The following FRMPD1 variants were observed in gnomAD, a reference collection of about 807,000 sequenced individuals.
FRMPD1 encodes FERM and PDZ domain-containing protein 1.
A neutral mutation model predicts 117.8 loss-of-function variants in FRMPD1; 76 were observed. The observed-to-expected ratio is 0.65, with a 90% CI of 0.54 to 0.78. The LOEUF (loss-of-function observed/expected upper bound fraction) is 0.78, where lower values mean the gene tolerates loss of function less well. FRMPD1 is among the 30% of genes least tolerant of loss of function. The probability of loss-of-function intolerance (pLI) is 0.00; values close to 1 mark genes in which losing one functional copy is unlikely to be tolerated. For synonymous variants in FRMPD1, 783 were observed against 770.4 expected, an observed-to-expected ratio of 1.02 and a Z score of -0.27; for missense variants, 1,786 against 1,964.5, an observed-to-expected ratio of 0.91 and a Z score of 1.72.
the FRMPD1 span, among the ~76,000 whole-genome samples, chr9:37,642,672 C>T: frequency 6.6e-6 from 1 of 152,140 alleles, no homozygotes; most frequent in Non-Finnish European, 1.5e-5. Context: ...ATTCACATTG[C>T]CTGGAAGCTC....
At chr9:37,605,564 T>C in the FRMPD1 span, among the ~76,000 whole-genome samples, 1 of 152,170 alleles carries the variant, frequency 6.6e-6, no homozygotes, top group Non-Finnish European at 1.5e-5. Context: ...AGGAGCCCCC[T>C]GCTAATGGTG....
rs1824611035 is a variant in FRMPD1 at position 37,744,844 on chromosome 9, G to T, written c.2812G>T (p.Val938Leu). 1 of 1,613,992 alleles carries T rather than the reference G, an allele frequency of 6.2e-7. No individual in the cohort carries two copies. The highest frequency in any genetic ancestry group is 1.3e-5 in the African/African-American group (1 of 74,928). The change falls in exon 16 of 16, where the codon GTG becomes TTG. Residue 938 changes from valine to leucine, a missense_variant. Coordinates refer to ENST00000377765, the MANE Select transcript of FRMPD1 (RefSeq NM_014907.3). ...AACCAAATCAGTCATCGACTCTCGA[G>T]TGTCTTCTATTTCTGCCATTCGCTT... ...METKSVIDSRVSSISAIRFRI... is the reference protein window; with the variant it reads ...METKSVIDSRLSSISAIRFRI...
chr9:37,710,912 TG>T (rs1822882219), intron 4 of FRMPD1, among the ~76,000 whole-genome samples: 1 of 147,694 alleles, frequency 6.8e-6, no homozygotes, highest in South Asian at 2.1e-4. Flanking sequence ...AAGCCAAGAT[TG>T]CGCCATTGCA....
the FRMPD1 span, among the ~76,000 whole-genome samples, chr9:37,636,175 G>T: frequency 2.0e-5 from 3 of 152,186 alleles, no homozygotes; most frequent in Non-Finnish European, 4.4e-5. Flanking sequence ...AGGAAAGGGT[G>T]GGCTGCTGGG....
the FRMPD1 span, among the ~76,000 whole-genome samples, chr9:37,642,634 A>C: frequency 6.6e-6 from 1 of 152,168 alleles, no homozygotes; most frequent in Non-Finnish European, 1.5e-5. Context: ...ATAATTCCAG[A>C]GGGCTCTGTT....
upstream of FRMPD1, among the ~76,000 whole-genome samples, chr9:37,646,330 T>C (rs1198177632): frequency 1.3e-5 from 2 of 152,224 alleles, no homozygotes; most frequent in South Asian, 4.1e-4. Context: ...GTTGACTGAA[T>C]GAATGAATAA....
intron 1 of FRMPD1, among the ~76,000 whole-genome samples, chr9:37,661,084 C>A (rs555187934): frequency 6.6e-6 from 1 of 152,322 alleles, no homozygotes; most frequent in East Asian, 1.9e-4. Context: ...GTGGTGCCCC[C>A]TCTCTGCACT....
Position 37,707,434 on chromosome 9 carries a change from T to G in FRMPD1, c.120T>G (p.Ala40=), listed in dbSNP as rs1320716199. 1 of 1,613,852 alleles carries G rather than the reference T, an allele frequency of 6.2e-7. No homozygotes were observed. The highest frequency in any genetic ancestry group is 8.5e-7 in the Non-Finnish European group (1 of 1,179,932). Residue 40 remains alanine (A), a synonymous_variant, in exon 3 of 16, where the codon GCT becomes GCG. Coordinates refer to ENST00000377765, the MANE Select transcript of FRMPD1 (RefSeq NM_014907.3). ...CTTCCAGGGCTAAAGTTGCTGCAGC[T>G]GATGGGCCCGCCAGGAACCCAACTC... ...DSSARAKVAA[A]DGPARNPTQT...
chr9:37,637,299 C>T, the FRMPD1 span: 10 of 1,387,396 alleles, frequency 7.2e-6, no homozygotes, highest in East Asian at 4.6e-5. Flanking sequence ...TTCATGGCGG[C>T]GGCGGAAGCC....
rs143709807 is a variant in FRMPD1, at chr9:37,744,970, G to T, written c.2938G>T (p.Asp980Tyr). The change falls in exon 16 of 16, where the codon GAT becomes TAT. Residue 980 changes from aspartate to tyrosine, a missense_variant. Physicochemically the swap from Asp to Tyr is radical, Grantham distance 160. Coordinates refer to ENST00000377765, the MANE Select transcript of FRMPD1 (RefSeq NM_014907.3). ...TTCTAACCCAGGTTCATCTGGCCCAGATACTGCTCAGGCAAGGCCTTCCCA... is the reference window on the plus strand; with the variant it reads ...TTCTAACCCAGGTTCATCTGGCCCATATACTGCTCAGGCAAGGCCTTCCCA... ...HCSNPGSSGP[D>Y]TAQARPSQIL... The T allele has an allele frequency of 6.8e-6, 11 of 1,614,090 alleles. No homozygotes were observed. Among genetic ancestry groups the T allele is most frequent in the Middle Eastern group, 3.3e-4 (2 of 6,084 alleles).
At chr9:37,722,520 G>C (rs1047388343) in intron 6 of FRMPD1, among the ~76,000 whole-genome samples, 1 of 152,114 alleles carries the variant, frequency 6.6e-6, no homozygotes, top group Non-Finnish European at 1.5e-5. Context: ...CAATTCTTCT[G>C]TCTCAGCCTC....
chr9:37,726,871 A>T (rs1162564271), intron 7 of FRMPD1, among the ~76,000 whole-genome samples: 1 of 152,166 alleles, frequency 6.6e-6, no homozygotes, highest in African/African-American at 2.4e-5. Flanking sequence ...GCCGTGTGGT[A>T]CAGGCTCAGG....
the FRMPD1 span, among the ~76,000 whole-genome samples, chr9:37,627,169 G>T: frequency 1.3e-5 from 2 of 152,104 alleles, no homozygotes; most frequent in African/African-American, 4.8e-5. Flanking sequence ...AAAGTCCTCT[G>T]CCTTCCATCT....
At chr9:37,691,812 C>T (rs1822148404) in intron 1 of FRMPD1, among the ~76,000 whole-genome samples, 1 of 152,174 alleles carries the variant, frequency 6.6e-6, no homozygotes, top group Admixed American at 6.5e-5. Context: ...GCTGAGGAGG[C>T]AGGAGAATAA....
At chr9:37,608,009 G>A in the FRMPD1 span, among the ~76,000 whole-genome samples, 1 of 152,222 alleles carries the variant, frequency 6.6e-6, no homozygotes, top group African/African-American at 2.4e-5. Context: ...TTTAAAAGGA[G>A]CCAGATAAAC....
Position 37,744,447 on chromosome 9 carries a change from C to A in FRMPD1, c.2415C>A (p.Ser805Arg). ...PSATSLQNKA[S>R]TSSPENSLPC... ...CCACAAGCTTGCAGAATAAGGCCAG[C>A]ACTTCTAGCCCTGAGAACAGCCTGC... The change falls in exon 16 of 16, where the codon AGC (serine) becomes AGA (arginine). Residue 805 changes from serine to arginine, a missense_variant. Ser to Arg is a moderately radical substitution (Grantham distance 110). Coordinates refer to ENST00000377765, the MANE Select transcript of FRMPD1 (RefSeq NM_014907.3). 1 of 1,613,862 alleles carries A rather than the reference C, an allele frequency of 6.2e-7. No individual in the cohort carries two copies.
chr9:37,608,020 T>C, the FRMPD1 span, among the ~76,000 whole-genome samples: 15 of 152,202 alleles, frequency 9.9e-5, no homozygotes, highest in Admixed American at 9.2e-4. Context: ...CCAGATAAAC[T>C]TGTGGCCAGC....
chr9:37,744,784 T>A lies in FRMPD1; in HGVS notation c.2752T>A (p.Ser918Thr). The change falls in exon 16 of 16, where the codon TCC becomes ACC. Residue 918 changes from serine (S) to threonine (T), a missense_variant. Transcript: ENST00000377765. The part of the protein sequence containing the change: ...LRETKSTNPA[S>T]RVMEMEPETM... ...GGAGACCAAGAGCACAAACCCAGCC[T>A]CCAGGGTCATGGAGATGGAGCCCGA... The A allele has an allele frequency of 6.2e-7, 1 of 1,614,110 alleles. No homozygotes were observed. The highest frequency in any genetic ancestry group is 1.1e-5 in the South Asian group (1 of 91,078).
At chr9:37,612,332 TG>T in the FRMPD1 span, among the ~76,000 whole-genome samples, 1 of 152,010 alleles carries the variant, frequency 6.6e-6, no homozygotes, top group Admixed American at 6.5e-5. Flanking sequence ...TTTTTGTTTT[TG>T]TTTGTTTTTG....
Sources: allele counts gnomAD v4.1 joint callset (sites outside exome capture counted in the v4.1 genomes callset), GRCh38; gene constraint gnomAD v4.1.1; transcripts MANE v1.5; gene names NCBI Gene and HGNC (gene_info 2026-07-23, HGNC 2026-07-21).